RYR2: variants seen among roughly 807,000 people sequenced by gnomAD.
RYR2 encodes the protein ryanodine receptor 2.
Under a neutral mutation model 601.1 loss-of-function variants are expected in RYR2, and 227 were observed. That is an observed-to-expected ratio of 0.38 (90% CI 0.34 to 0.42). RYR2 has a LOEUF of 0.42. Ranked by LOEUF, RYR2 falls within the 10% of genes least tolerant of loss-of-function variation. RYR2 has a pLI of 1.00. For missense variants in RYR2, 4,646 were observed against 6,156.5 expected (o/e 0.75, Z 8.21); for synonymous variants, 2,223 against 2,175.1 (o/e 1.02, Z -0.61).
At chr1:237,509,235 C>T (rs1572651950) in intron 23 of RYR2, among the ~76,000 whole-genome samples, 1 of 152,136 alleles carries the variant, frequency 6.6e-6, no homozygotes, top group East Asian at 1.9e-4. Flanking sequence ...AGGAGGTGTT[C>T]TCTCATCTAA....
Position 237,120,396 on chromosome 1 carries a change from T to C in RYR2, c.48+77827T>C, listed in dbSNP as rs554834481. The stretch of plus-strand genomic sequence containing the variant: ...AATTTGTGTCAGAAATATGGTAAAT[T>C]TAATGAAGCTGGCTCATCGTTAAAA... On this transcript the variant is annotated intron_variant, in intron 1 of 104. Transcript: ENST00000366574. Among the ~76,000 whole-genome samples, 8 of 152,306 alleles carry C rather than the reference T, an allele frequency of 5.3e-5. No homozygotes were observed. In the South Asian group the frequency reaches 1.5e-3, roughly 28 times the overall value.
At chr1:237,789,833 C>T (rs907102296) in intron 92 of RYR2, among the ~76,000 whole-genome samples, 1 of 152,186 alleles carries the variant, frequency 6.6e-6, no homozygotes, top group African/African-American at 2.4e-5. Context: ...TAACAAAGGC[C>T]CCTTTTCCCC....
At chr1:237,084,838 C>T (rs1666128524) in intron 1 of RYR2, among the ~76,000 whole-genome samples, 1 of 152,234 alleles carries the variant, frequency 6.6e-6, no homozygotes, top group Non-Finnish European at 1.5e-5. Context: ...ACCCTCTGTG[C>T]CCATGCAGGA....
At position 237,188,187 on chromosome 1, in the gene RYR2, A is replaced by C. The variant is rs148768737; in HGVS notation, c.49-82310A>C. Among the ~76,000 whole-genome samples the C allele has an allele frequency of 5.3e-3, 809 of 151,532 alleles. 7 individuals carry two copies. Among genetic ancestry groups the C allele is most frequent in the South Asian group, 0.03 (143 of 4,786 alleles). On this transcript the variant is annotated intron_variant, in intron 1 of 104. Transcript: ENST00000366574. Reference sequence around the variant, plus strand: ...ATTAGTATGTTACAGCTGTAAATGTATTTCTCCTAAGGTGGTTTTCTAGCA... The same window carrying C: ...ATTAGTATGTTACAGCTGTAAATGTCTTTCTCCTAAGGTGGTTTTCTAGCA...
intron 99 of RYR2, among the ~76,000 whole-genome samples, chr1:237,806,497 AAAT>A (rs1198019030): frequency 6.6e-6 from 1 of 152,186 alleles, no homozygotes; most frequent in African/African-American, 2.4e-5. Context: ...AATTAACTGA[AAAT>A]AATAAAAGTA....
chr1:237,132,616 A>G (rs918953523), intron 1 of RYR2, among the ~76,000 whole-genome samples: 1 of 152,262 alleles, frequency 6.6e-6, no homozygotes, highest in Non-Finnish European at 1.5e-5. Context: ...AAAAAATGAC[A>G]AAACTGAACA....
At chr1:237,716,199 C>T (rs1689253432) in intron 71 of RYR2, among the ~76,000 whole-genome samples, 5 of 152,024 alleles carry the variant, frequency 3.3e-5, no homozygotes. Flanking sequence ...TCACTACTTT[C>T]ACTATGGTAA....
At chr1:237,705,093 G>T (rs1688261941) in intron 66 of RYR2, 120 bp from the exon 67 acceptor site, 3 of 803,524 alleles carry the variant, frequency 3.7e-6, no homozygotes, top group Non-Finnish European at 6.0e-6. Context: ...TTGGATTTGG[G>T]AGTTAATTTT....
intron 24 of RYR2, among the ~76,000 whole-genome samples, chr1:237,517,930 A>C (rs1281855152): frequency 6.6e-6 from 1 of 152,112 alleles, no homozygotes. Flanking sequence ...AAACTTTGTG[A>C]CTTTTTTATA....
intron 59 of RYR2, 82 bp downstream of exon 59, chr1:237,674,301 A>C (rs893734520): frequency 2.8e-6 from 3 of 1,078,948 alleles, no homozygotes; most frequent in Admixed American, 4.2e-5. Context: ...AAAGCTGAAA[A>C]TGAATTCAAT....
intron 11 of RYR2, among the ~76,000 whole-genome samples, chr1:237,420,759 A>G (rs1308943845): frequency 6.6e-6 from 1 of 152,208 alleles, no homozygotes; most frequent in African/African-American, 2.4e-5. Flanking sequence ...AGCAAATAGT[A>G]TATATCTGGT....
intron 59 of RYR2, 73 bp from the exon 60 acceptor site, chr1:237,674,658 T>C (rs997384233): frequency 6.2e-5 from 47 of 752,818 alleles, no homozygotes; most frequent in South Asian, 4.1e-4. Flanking sequence ...CATATATATA[T>C]ACACACACAC....
intron 96 of RYR2, among the ~76,000 whole-genome samples, chr1:237,796,591 T>A (rs902120607): frequency 6.6e-6 from 1 of 152,196 alleles, no homozygotes; most frequent in African/African-American, 2.4e-5. Flanking sequence ...TGTTAATCCC[T>A]TCTTTTCATC....
At chr1:237,638,560 A>G (rs1342116013) in intron 45 of RYR2, 68 bp downstream of exon 45, 4 of 1,506,836 alleles carry the variant, frequency 2.7e-6, no homozygotes, top group African/African-American at 1.4e-5. Context: ...ATAAGGATTC[A>G]TCTCAGCACT....
At chr1:237,264,905 T>G (rs1044266261) in intron 1 of RYR2, among the ~76,000 whole-genome samples, 3 of 152,092 alleles carry the variant, frequency 2.0e-5, no homozygotes, top group East Asian at 3.9e-4. Flanking sequence ...TTTCACCATG[T>G]TGGCCAGGCT....
At position 237,510,658 on chromosome 1, in the gene RYR2, T is replaced by C. The variant is rs1295727109; in HGVS notation, c.2719-1030T>C. On this transcript the variant is annotated intron_variant, in intron 23 of 104. Coordinates refer to ENST00000366574, the MANE Select transcript of RYR2 (RefSeq NM_001035.3). Reference sequence around the variant, plus strand: ...CTCACTCATGTTTCTGTCCTTCTCATGTGGCATTTTTAGGATCTGGTAATG... The same window carrying C: ...CTCACTCATGTTTCTGTCCTTCTCACGTGGCATTTTTAGGATCTGGTAATG... 2.0e-5 allele frequency among the ~76,000 whole-genome samples: 3 copies of C among 152,204 alleles called. No homozygotes were observed. The South Asian group carries it at 6.2e-4, about 31-fold the overall frequency.
In RYR2 at chr1:237,788,050, A is replaced by G. The variant is rs1657871586; in HGVS notation, c.13391A>G (p.Gln4464Arg). ...KEDKGKQKLRQLHTHRYGEPE... is the reference protein window; with the variant it reads ...KEDKGKQKLRRLHTHRYGEPE... Reference sequence around the variant, plus strand: ...GACAAGGGCAAACAAAAGTTGAGGCAGCTTCACACACACAGATACGGAGAA... The same window carrying G: ...GACAAGGGCAAACAAAAGTTGAGGCGGCTTCACACACACAGATACGGAGAA... The change falls in exon 92 of 105, where the codon CAG (glutamine) becomes CGG (arginine). Residue 4464 changes from glutamine (Q) to arginine (R), a missense_variant. Coordinates refer to ENST00000366574, the MANE Select transcript of RYR2 (RefSeq NM_001035.3). 2 of 1,610,644 alleles carry G rather than the reference A, an allele frequency of 1.2e-6. No homozygotes were observed. The highest frequency in any genetic ancestry group is 1.1e-5 in the South Asian group (1 of 90,312).
chr1:237,644,784 C>T (rs1465562436), intron 48 of RYR2, among the ~76,000 whole-genome samples: 3 of 152,032 alleles, frequency 2.0e-5, no homozygotes, highest in Non-Finnish European at 4.4e-5. Flanking sequence ...GTAATCCTAG[C>T]ACTTTGGGAG....
intron 91 of RYR2, among the ~76,000 whole-genome samples, chr1:237,786,734 G>A (rs1657630575): frequency 6.6e-6 from 1 of 152,218 alleles, no homozygotes; most frequent in Non-Finnish European, 1.5e-5. Flanking sequence ...ACGCACATTT[G>A]AAAAGTTGGG....
Sources: gnomAD v4.1 joint callset for allele counts (sites outside exome capture counted in the v4.1 genomes callset) on GRCh38, gnomAD v4.1.1 for gene constraint, MANE v1.5 for transcripts, NCBI Gene and HGNC (gene_info 2026-07-23, HGNC 2026-07-21) for gene names.